CNTN3: variants seen among roughly 807,000 people sequenced by gnomAD.
CNTN3 encodes the protein contactin-3.
Under a neutral mutation model 119.1 loss-of-function variants are expected in CNTN3, and 60 were observed. The ratio of observed to expected loss-of-function variants is 0.50; its 90% confidence interval spans 0.41 to 0.62. The LOEUF (loss-of-function observed/expected upper bound fraction) is 0.62. Ranked by LOEUF, CNTN3 falls within the 20% of genes least tolerant of loss-of-function variation. CNTN3 has a pLI of 0.00. For synonymous variants in CNTN3, 450 were observed against 438.7 expected (o/e 1.03, Z -0.32); for missense variants, 1,101 against 1,242.4 (o/e 0.89, Z 1.71).
intron 4 of CNTN3, among the ~76,000 whole-genome samples, chr3:74,463,486 A>T: frequency 6.6e-6 from 1 of 152,080 alleles, no homozygotes; most frequent in East Asian, 1.9e-4. Context: ...TTCTCTCATT[A>T]TGATGCCGAC....
intron 3 of CNTN3, 94 bp downstream of exon 3, chr3:74,499,565 A>G (rs1703126777): frequency 1.7e-6 from 2 of 1,176,488 alleles, no homozygotes; most frequent in African/African-American, 1.6e-5. Context: ...TTTCTTACTG[A>G]TGGCATAAAT....
At chr3:74,377,854 C>T (rs1198830182) in intron 5 of CNTN3, among the ~76,000 whole-genome samples, 1 of 152,176 alleles carries the variant, frequency 6.6e-6, no homozygotes, top group Non-Finnish European at 1.5e-5. Flanking sequence ...TGAAATATGT[C>T]ACTCTGGTGT....
chr3:74,588,444 G>C (rs553166517), intron 1 of CNTN3, among the ~76,000 whole-genome samples: 270 of 151,892 alleles, frequency 1.8e-3, no homozygotes, highest in African/African-American at 6.3e-3. Context: ...CACTGCTCAA[G>C]GAAATAAAAG....
At chr3:74,494,621 A>G (rs919559885) in intron 3 of CNTN3, among the ~76,000 whole-genome samples, 2 of 152,094 alleles carry the variant, frequency 1.3e-5, no homozygotes, top group Admixed American at 6.6e-5. Context: ...AGAATCAACT[A>G]TTAACAACTT....
intron 1 of CNTN3, among the ~76,000 whole-genome samples, chr3:74,596,180 T>C (rs1427474698): frequency 2.0e-5 from 3 of 152,036 alleles, no homozygotes; most frequent in African/African-American, 7.2e-5. Context: ...CTCAATGAAA[T>C]AAAAGACGAT....
intron 4 of CNTN3, among the ~76,000 whole-genome samples, chr3:74,447,867 T>C (rs1320874034): frequency 2.0e-5 from 3 of 152,150 alleles, no homozygotes; most frequent in Non-Finnish European, 4.4e-5. Context: ...CATTTTTAAA[T>C]AAGCAGATAA....
intron 1 of CNTN3, among the ~76,000 whole-genome samples, chr3:74,544,660 G>A (rs539276656): frequency 2.6e-4 from 39 of 152,182 alleles, no homozygotes; most frequent in Admixed American, 2.0e-3. Context: ...GTGCAGTGGC[G>A]CGATATCAGC....
intron 13 of CNTN3, among the ~76,000 whole-genome samples, chr3:74,310,442 T>G (rs1702656869): frequency 6.6e-6 from 1 of 151,942 alleles, no homozygotes; most frequent in Non-Finnish European, 1.5e-5. Flanking sequence ...CTTCACTAGG[T>G]GGGGGGCTTG....
rs557077701 is a variant in CNTN3 at position 74,572,077 on chromosome 3, T to C, written c.-81+42314A>G. Among the ~76,000 whole-genome samples the C allele has an allele frequency of 1.1e-3, 60 of 55,030 alleles. 1 individual carries two copies. Among genetic ancestry groups the C allele is most frequent in the African/African-American group, 4.3e-3 (57 of 13,224 alleles). 36.1% of individuals were successfully genotyped at this position (55,030 alleles called of 152,430 possible). A position where few individuals can be genotyped will look rare whatever the true frequency, so the allele number is the denominator to read the frequency against. The stretch of plus-strand genomic sequence containing the variant: ...CCAGGTCAAGTAAGTTAAAAGAAAA[T>C]ACTTTATCATTTTTCACCCATCAAA... On this transcript the variant is annotated intron_variant, in intron 1 of 22. Coordinates refer to ENST00000263665, the MANE Select transcript of CNTN3 (RefSeq NM_020872.3).
chr3:74,267,908 G>A (rs192328934), intron 20 of CNTN3, among the ~76,000 whole-genome samples: 8 of 152,218 alleles, frequency 5.3e-5, no homozygotes, highest in East Asian at 3.9e-4. Context: ...AAGTGTATAT[G>A]ATTTTGGAGC....
chr3:74,264,571 A>G, intron 22 of CNTN3, 70 bp from the exon 23 acceptor site: 2 of 975,492 alleles, frequency 2.1e-6, no homozygotes, highest in Non-Finnish European at 1.5e-6. Context: ...TAGAGACTGG[A>G]TATTTGTGGT....
chr3:74,281,107 G>A (rs1268662587), intron 20 of CNTN3, among the ~76,000 whole-genome samples: 1 of 152,142 alleles, frequency 6.6e-6, no homozygotes, highest in African/African-American at 2.4e-5. Context: ...GGAGTGGATT[G>A]TATAAGGCCT....
chr3:74,538,467 C>A (rs960740383), intron 1 of CNTN3, among the ~76,000 whole-genome samples: 1 of 151,990 alleles, frequency 6.6e-6, no homozygotes, highest in Non-Finnish European at 1.5e-5. Context: ...GGTCAGAGAT[C>A]TATTATTTTA....
At chr3:74,524,244 T>C (rs1703583886) in intron 1 of CNTN3, among the ~76,000 whole-genome samples, 1 of 152,066 alleles carries the variant, frequency 6.6e-6, no homozygotes, top group South Asian at 2.1e-4. Flanking sequence ...AACTCACTCA[T>C]TCAGTAAAAA....
intron 1 of CNTN3, among the ~76,000 whole-genome samples, chr3:74,521,689 A>T (rs1575805883): frequency 6.6e-6 from 1 of 151,842 alleles, no homozygotes; most frequent in East Asian, 1.9e-4. Context: ...GAAAGCTCCC[A>T]ATTATGTATG....
chr3:74,275,921 T>G (rs1469590924), intron 20 of CNTN3, among the ~76,000 whole-genome samples: 1 of 151,932 alleles, frequency 6.6e-6, no homozygotes, highest in Non-Finnish European at 1.5e-5. Context: ...GGGACTCACA[T>G]GAAAACTTAA....
chr3:74,278,219 C>G (rs11928628), intron 20 of CNTN3, among the ~76,000 whole-genome samples: 1,591 of 152,004 alleles, frequency 0.01, 32 homozygotes, highest in African/African-American at 0.037. Flanking sequence ...CAATGCAAAT[C>G]CCATCAAAAT....
At position 74,369,249 on chromosome 3, in the gene CNTN3, C is replaced by A; in HGVS notation, c.886G>T (p.Glu296Ter). 1 of 1,611,214 alleles carries A rather than the reference C, an allele frequency of 6.2e-7. No homozygotes were observed. The highest frequency in any genetic ancestry group is 8.5e-7 in the Non-Finnish European group (1 of 1,178,640). The change falls in exon 8 of 23, where the codon GAA (glutamate) becomes TAA (stop). Residue 296 changes from glutamate (E) to a stop codon, truncating the protein, a stop_gained. Coordinates refer to ENST00000263665, the MANE Select transcript of CNTN3 (RefSeq NM_020872.3). LOFTEE classifies it high-confidence loss of function. ...CCTCGTGAATTCTCAGCAATGCATT[C>A]ATAGGAACCTGCATCTTCCTGTTGG... is the stretch of plus-strand genomic sequence containing the variant. ...NFQQEDAGSY[E>*]CIAENSRGKN...
chr3:74,531,872 T>G (rs778840242), intron 1 of CNTN3, among the ~76,000 whole-genome samples: 1 of 151,918 alleles, frequency 6.6e-6, no homozygotes, highest in Non-Finnish European at 1.5e-5. Flanking sequence ...CCTTCTAGTA[T>G]GATGGAAACA....
Sources: allele counts gnomAD v4.1 joint callset (sites outside exome capture counted in the v4.1 genomes callset), GRCh38; gene constraint gnomAD v4.1.1; transcripts MANE v1.5; gene names NCBI Gene and HGNC (gene_info 2026-07-23, HGNC 2026-07-21).